Variants in NDUFAF1 observed in about 807,000 individuals in gnomAD.
The protein encoded by NDUFAF1 is NADH:ubiquinone oxidoreductase complex assembly factor 1, also known as complex I intermediate-associated protein 30, mitochondrial.
NDUFAF1 carries 18 observed loss-of-function variants against 28.7 expected under a neutral mutation model. That is an observed-to-expected ratio of 0.63 (90% CI 0.43 to 0.93). The LOEUF (loss-of-function observed/expected upper bound fraction) is 0.93, where lower values mean the gene tolerates loss of function less well. Among genes scored for constraint, NDUFAF1 ranks in the 40% least tolerant of loss-of-function variants. The pLI, the probability that NDUFAF1 is intolerant of heterozygous loss-of-function variation, is 0.00. For synonymous variants in NDUFAF1, 113 were observed against 139.7 expected (o/e 0.81, Z 1.35); for missense variants, 404 against 398.3 (o/e 1.01, Z -0.12).
chr15:41,395,071 G>C, intron 2 of NDUFAF1, 27 bp from the exon 3 acceptor site: 1 of 1,604,490 alleles, frequency 6.2e-7, no homozygotes, highest in South Asian at 1.1e-5. Context: ...AAAGTTCATT[G>C]TACCTCATTC....
intron 1 of NDUFAF1, among the ~76,000 whole-genome samples, chr15:41,401,672 C>A (rs887205459): frequency 1.3e-5 from 2 of 151,612 alleles, no homozygotes; most frequent in Admixed American, 1.3e-4. Context: ...GTGATCCGCC[C>A]GCCTCGGCCT....
chr15:41,389,862 A>G (rs2050296446), intron 3 of NDUFAF1, among the ~76,000 whole-genome samples: 1 of 152,222 alleles, frequency 6.6e-6, no homozygotes, highest in Non-Finnish European at 1.5e-5. Context: ...TAGCCTATGA[A>G]AATAGTTAAG....
chr15:41,397,496 C>T (rs910261668), intron 1 of NDUFAF1, among the ~76,000 whole-genome samples: 1 of 152,040 alleles, frequency 6.6e-6, no homozygotes, highest in African/African-American at 2.4e-5. Flanking sequence ...GGGTGGATCA[C>T]GAGGTCAAGA....
rs141504721 is a variant in NDUFAF1, at chr15:41,394,888, G to C, written c.730C>G (p.Arg244Gly). 6.2e-7 allele frequency: 1 copy of C among 1,613,952 alleles called. No individual in the cohort carries two copies. The highest frequency in any genetic ancestry group is 1.1e-5 in the South Asian group (1 of 91,074). The change falls in exon 3 of 5, where the codon CGC becomes GGC. Residue 244 changes from arginine to glycine, a missense_variant. Physicochemically the swap from Arg to Gly is moderately radical, Grantham distance 125. Transcript: ENST00000260361. ...ACCTCCTGCCAGTAGGGTCCCCCGC[G>C]GGTGAACATGAAGTAACTATACATC... ...NQMYSYFMFT[R>G]GGPYWQEVKI...
chr15:41,394,711 T>C, intron 3 of NDUFAF1, 148 bp downstream of exon 3: 1 of 681,078 alleles, frequency 1.5e-6, no homozygotes, highest in South Asian at 1.6e-5. Context: ...AGAGACTAGG[T>C]TTCACCATGT....
intron 3 of NDUFAF1, among the ~76,000 whole-genome samples, chr15:41,393,258 G>A (rs557638863): frequency 2.0e-5 from 3 of 149,742 alleles, no homozygotes; most frequent in African/African-American, 7.4e-5. Context: ...CCTAGTAGCT[G>A]GGATTACAGG....
chr15:41,399,921 G>A (rs1335650609), intron 1 of NDUFAF1, among the ~76,000 whole-genome samples: 1 of 149,154 alleles, frequency 6.7e-6, no homozygotes, highest in South Asian at 2.2e-4. Flanking sequence ...CACCTATAGG[G>A]TGGTGGCAAG....
chr15:41,388,848 C>T (rs1481034199), intron 3 of NDUFAF1, among the ~76,000 whole-genome samples: 7 of 150,976 alleles, frequency 4.6e-5, no homozygotes, highest in African/African-American at 4.9e-5. Flanking sequence ...GATCACACCA[C>T]TGCACTTCAG....
At chr15:41,400,601 C>A (rs1476979399) in intron 1 of NDUFAF1, among the ~76,000 whole-genome samples, 6 of 151,210 alleles carry the variant, frequency 4.0e-5, no homozygotes, top group Non-Finnish European at 5.9e-5. Context: ...CGGCTCACTG[C>A]AAGCTCCGCC....
chr15:41,396,315 T>TTCCACTTCACACTTGTGCC (rs1409110062), intron 2 of NDUFAF1, among the ~76,000 whole-genome samples, 172 bp downstream of exon 2: 2 of 152,102 alleles, frequency 1.3e-5, no homozygotes, highest in African/African-American at 4.8e-5. Flanking sequence ...CCCCTTGTGC[T>TTCCACTTCACACTTGTGCC]TCCACTTCAC....
chr15:41,396,698 G>A lies in NDUFAF1; in HGVS notation c.362C>T (p.Ala121Val). The change falls in exon 2 of 5, where the codon GCC becomes GTC. Residue 121 changes from alanine to valine, a missense_variant. Transcript: ENST00000260361. ...CCCCCGGAATTGCCAGACAACCTTG[G>A]CTTGTTCCAGCAAGACCTCATGCAG... is the stretch of plus-strand genomic sequence containing the variant. ...HPLHEVLLEQ[A>V]KVVWQFRGKE... 2 of 1,614,100 alleles carry A rather than the reference G, an allele frequency of 1.2e-6. No individual in the cohort carries two copies. Among genetic ancestry groups the A allele is most frequent in the Middle Eastern group, 1.6e-4 (1 of 6,062 alleles).
At chr15:41,395,667 GCC>G (rs1321718247) in intron 2 of NDUFAF1, among the ~76,000 whole-genome samples, 2 of 123,726 alleles carry the variant, frequency 1.6e-5, no homozygotes, top group African/African-American at 6.1e-5. Context: ...ACTGCGCCCG[GCC>G]TTTTTTTTTT....
chr15:41,389,228 G>A (rs1032484837), intron 3 of NDUFAF1, among the ~76,000 whole-genome samples: 7 of 148,426 alleles, frequency 4.7e-5, no homozygotes, highest in Non-Finnish European at 7.4e-5. Flanking sequence ...GACTATAGGC[G>A]CACACCACCA....
intron 2 of NDUFAF1, among the ~76,000 whole-genome samples, chr15:41,395,291 T>A (rs1013588834): frequency 6.6e-5 from 10 of 152,186 alleles, no homozygotes; most frequent in African/African-American, 2.4e-4. Flanking sequence ...GGCACTCACC[T>A]GTGTTCAATG....
intron 3 of NDUFAF1, among the ~76,000 whole-genome samples, chr15:41,393,106 G>A (rs1251625674): frequency 2.6e-5 from 4 of 151,476 alleles, no homozygotes; most frequent in Admixed American, 1.3e-4. Context: ...AGCAAAATGG[G>A]GACTTTCTTG....
At chr15:41,399,351 G>A (rs929671333) in intron 1 of NDUFAF1, among the ~76,000 whole-genome samples, 7 of 150,764 alleles carry the variant, frequency 4.6e-5, no homozygotes, top group African/African-American at 2.4e-5. Flanking sequence ...AGCCGAGATC[G>A]TGCCATTGCA....
rs933548216 is a variant in NDUFAF1 at position 41,388,756 on chromosome 15, C to CT, written c.760-235dup. The stretch of plus-strand genomic sequence containing the variant: ...AAAAAGACTAGTATCCTAAACACAG[C>CT]TTTTTTTTTTTTTTCTTTCTGTGGA... On this transcript the variant is annotated intron_variant, in intron 3 of 4. Transcript: ENST00000260361. Among the ~76,000 whole-genome samples, 613 of 141,370 alleles carry CT rather than the reference C, an allele frequency of 4.3e-3. 2 individuals carry two copies. The highest frequency in any genetic ancestry group is 6.6e-3 in the African/African-American group (256 of 38,756). The allele number at this position is 141,370 out of a possible 152,430, so 92.7% of individuals were successfully genotyped here.
intron 1 of NDUFAF1, among the ~76,000 whole-genome samples, chr15:41,398,547 C>T (rs997603464): frequency 6.6e-6 from 1 of 151,662 alleles, no homozygotes; most frequent in Admixed American, 6.6e-5. Context: ...GTGGCAAGAT[C>T]GATAACTCAT....
chr15:41,394,322 C>T, intron 3 of NDUFAF1: 4 of 1,286,474 alleles, frequency 3.1e-6, no homozygotes, highest in Non-Finnish European at 4.1e-6. Context: ...GTGTGAGCCA[C>T]CACGCAGGCC....
Sources: allele counts gnomAD v4.1 joint callset (sites outside exome capture counted in the v4.1 genomes callset), GRCh38; gene constraint gnomAD v4.1.1; transcripts MANE v1.5; gene names NCBI Gene and HGNC (gene_info 2026-07-23, HGNC 2026-07-21).